The following NCKAP5 variants were observed in gnomAD, a reference collection of about 807,000 sequenced individuals.
The protein encoded by NCKAP5 is NCK associated protein 5.
Under a neutral mutation model 167.0 loss-of-function variants are expected in NCKAP5, and 92 were observed. The ratio of observed to expected loss-of-function variants is 0.55; its 90% CI spans 0.47 to 0.66. The LOEUF is 0.66. Ranked by LOEUF, NCKAP5 falls within the 30% of genes least tolerant of loss-of-function variation. NCKAP5 has a pLI of 0.00. For synonymous variants in NCKAP5, 891 were observed against 877.4 expected (o/e 1.02, Z -0.27); for missense variants, 2,378 against 2,315.0 (o/e 1.03, Z -0.56).
At chr2:133,376,538 G>T (rs1020600659) in intron 3 of NCKAP5, among the ~76,000 whole-genome samples, 2 of 152,106 alleles carry the variant, frequency 1.3e-5, no homozygotes, top group African/African-American at 4.8e-5. Flanking sequence ...CTGAGACCGT[G>T]GCAGTGACTT....
At chr2:133,065,496 G>A (rs544096240) in intron 6 of NCKAP5, among the ~76,000 whole-genome samples, 5 of 152,198 alleles carry the variant, frequency 3.3e-5, no homozygotes, top group East Asian at 3.9e-4. Flanking sequence ...ATGGTGGCGC[G>A]TGCCTGTAGT....
intron 4 of NCKAP5, among the ~76,000 whole-genome samples, chr2:133,265,460 C>T (rs1477367610): frequency 6.6e-6 from 1 of 152,144 alleles, no homozygotes; most frequent in Non-Finnish European, 1.5e-5. Flanking sequence ...CCCTAGGACT[C>T]AGCAGCAGAG....
At chr2:133,610,807 T>C in the NCKAP5 span, among the ~76,000 whole-genome samples, 1 of 152,238 alleles carries the variant, frequency 6.6e-6, no homozygotes, top group African/African-American at 2.4e-5. Flanking sequence ...TCCTTCTTTT[T>C]ATTTACATTT....
chr2:133,046,887 C>T (rs761376450), intron 6 of NCKAP5, among the ~76,000 whole-genome samples: 12 of 152,182 alleles, frequency 7.9e-5, no homozygotes, highest in Non-Finnish European at 1.5e-4. Flanking sequence ...TTGCAATTTT[C>T]GTTGGAGTTA....
At position 132,796,903 on chromosome 2, in the gene NCKAP5, G is replaced by A. The variant is rs565370911; in HGVS notation, c.808-174C>T. On this transcript the variant is annotated intron_variant, in intron 11 of 19. Coordinates refer to ENST00000409261, the MANE Select transcript of NCKAP5 (RefSeq NM_207363.3). Reference sequence around the variant, plus strand: ...AGTGTTCCCATACATGTATATGTACGTGTATGTGCAAATTACATTTTGTAA... The same window carrying A: ...AGTGTTCCCATACATGTATATGTACATGTATGTGCAAATTACATTTTGTAA... Among the ~76,000 whole-genome samples, 141 of 152,202 alleles carry A rather than the reference G, an allele frequency of 9.3e-4. 1 individual carries two copies. Among genetic ancestry groups the A allele is most frequent in the Admixed American group, 2.1e-3 (32 of 15,292 alleles).
intron 16 of NCKAP5, among the ~76,000 whole-genome samples, chr2:132,763,670 A>G (rs1681201333): frequency 6.6e-6 from 1 of 152,210 alleles, no homozygotes; most frequent in Non-Finnish European, 1.5e-5. Context: ...ACTTACTTGC[A>G]CTTGCCTTTT....
rs187158570 is a variant in NCKAP5 at position 133,564,659 on chromosome 2, G to T, written c.-130+3557C>A. Among the ~76,000 whole-genome samples, 31 of 152,296 alleles carry T rather than the reference G, an allele frequency of 2.0e-4. 1 individual carries two copies. Among genetic ancestry groups the T allele is most frequent in the Admixed American group, 5.9e-4 (9 of 15,300 alleles). ...GAGGGGAGACAGAGCAGGGAACGTT[G>T]TCAGATGAAGCCAAGGAACGTGGAA... On this transcript the variant is annotated intron_variant, in intron 1 of 19. Transcript: ENST00000409261.
the NCKAP5 span, among the ~76,000 whole-genome samples, chr2:133,614,262 T>C: frequency 6.6e-6 from 1 of 152,032 alleles, no homozygotes; most frequent in South Asian, 2.1e-4. Context: ...TCAGTTCTGT[T>C]GGTGGGGCAC....
At chr2:133,039,283 A>G (rs1400819590) in intron 6 of NCKAP5, among the ~76,000 whole-genome samples, 1 of 152,220 alleles carries the variant, frequency 6.6e-6, no homozygotes, top group Non-Finnish European at 1.5e-5. Context: ...TACATTTGAT[A>G]ATCTATTACA....
intron 6 of NCKAP5, among the ~76,000 whole-genome samples, chr2:133,031,266 T>C (rs2078870415): frequency 6.6e-6 from 1 of 151,112 alleles, no homozygotes; most frequent in Non-Finnish European, 1.5e-5. Context: ...AGCAGAGGCA[T>C]GGTGCCAATA....
chr2:133,560,029 G>C (rs1363403672), intron 1 of NCKAP5, among the ~76,000 whole-genome samples: 3 of 152,064 alleles, frequency 2.0e-5, no homozygotes, highest in Non-Finnish European at 4.4e-5. Context: ...GCCCCCATTG[G>C]ACAAATGCCA....
intron 3 of NCKAP5, among the ~76,000 whole-genome samples, chr2:133,394,529 A>G (rs1015265590): frequency 2.6e-5 from 4 of 152,256 alleles, no homozygotes; most frequent in African/African-American, 9.6e-5. Flanking sequence ...TTTCTGGATT[A>G]AAGTCTAGGT....
intron 4 of NCKAP5, among the ~76,000 whole-genome samples, chr2:133,261,493 T>G (rs4057049): frequency 0.21 from 31,304 of 152,092 alleles, 4,124 homozygotes; most frequent in African/African-American, 0.38. Context: ...ACAGACCAGG[T>G]CTTAATAAGT....
intron 5 of NCKAP5, among the ~76,000 whole-genome samples, chr2:133,134,150 T>C (rs6721293): frequency 0.43 from 65,035 of 151,960 alleles, 13,861 homozygotes; most frequent in East Asian, 0.57. Context: ...CTCAGTCCAC[T>C]GTGTGCATTA....
chr2:132,717,021 A>G (rs1215951771), intron 19 of NCKAP5, among the ~76,000 whole-genome samples: 8 of 152,260 alleles, frequency 5.3e-5, no homozygotes, highest in Admixed American at 1.3e-4. Context: ...TGCACACCCA[A>G]TGTGCATAGC....
intron 6 of NCKAP5, among the ~76,000 whole-genome samples, chr2:133,026,814 C>T (rs1383615289): frequency 6.6e-6 from 1 of 152,174 alleles, no homozygotes; most frequent in African/African-American, 2.4e-5. Flanking sequence ...TCACTGTGGT[C>T]CATTGTGCTC....
At chr2:132,779,246 G>A (rs1682811368) in intron 15 of NCKAP5, among the ~76,000 whole-genome samples, 2 of 152,166 alleles carry the variant, frequency 1.3e-5, no homozygotes. Flanking sequence ...GAAGTAATAA[G>A]AAAATAAAAA....
At chr2:132,929,309 A>C (rs975616774) in intron 8 of NCKAP5, among the ~76,000 whole-genome samples, 1 of 152,252 alleles carries the variant, frequency 6.6e-6, no homozygotes, top group East Asian at 1.9e-4. Flanking sequence ...AAATCACACA[A>C]AACACTTTTC....
At chr2:133,335,518 C>T (rs1484131591) in intron 3 of NCKAP5, among the ~76,000 whole-genome samples, 1 of 152,094 alleles carries the variant, frequency 6.6e-6, no homozygotes, top group Non-Finnish European at 1.5e-5. Flanking sequence ...CCTTTATGTA[C>T]TTTACCTGCA....
Sources: allele counts gnomAD v4.1 joint callset (sites outside exome capture counted in the v4.1 genomes callset), GRCh38; gene constraint gnomAD v4.1.1; transcripts MANE v1.5; gene names NCBI Gene and HGNC (gene_info 2026-07-23, HGNC 2026-07-21).